The following PDSS2 variants were observed in gnomAD, a reference collection of about 807,000 sequenced individuals.
PDSS2 encodes the protein all trans-polyprenyl-diphosphate synthase PDSS2.
A neutral mutation model predicts 44.5 loss-of-function variants in PDSS2; 31 were observed. That is an observed-to-expected ratio of 0.70 (90% CI 0.52 to 0.94). The LOEUF (loss-of-function observed/expected upper bound fraction) is 0.94, where lower values mean the gene tolerates loss of function less well. Among genes scored for constraint, PDSS2 ranks in the 40% least tolerant of loss-of-function variants. The pLI, the probability that PDSS2 is intolerant of heterozygous loss-of-function variation, is 0.00. For missense variants in PDSS2, 452 were observed against 482.2 expected, an observed-to-expected ratio of 0.94 and a Z score of 0.59; for synonymous variants, 157 against 180.3, an observed-to-expected ratio of 0.87 and a Z score of 1.03.
At chr6:107,169,226 T>C (rs1771472142) in intron 7 of PDSS2, among the ~76,000 whole-genome samples, 1 of 152,174 alleles carries the variant, frequency 6.6e-6, no homozygotes. Context: ...TTTCATTCAT[T>C]TGATCTTCAA....
At chr6:107,333,684 T>A (rs1281887809) in intron 2 of PDSS2, among the ~76,000 whole-genome samples, 1 of 152,118 alleles carries the variant, frequency 6.6e-6, no homozygotes, top group East Asian at 1.9e-4. Flanking sequence ...TACAGGCACA[T>A]ACCACCACAA....
chr6:107,427,995 T>G (rs1781058762), intron 1 of PDSS2, among the ~76,000 whole-genome samples: 1 of 152,242 alleles, frequency 6.6e-6, no homozygotes, highest in Non-Finnish European at 1.5e-5. Context: ...TTACAGAGGT[T>G]GTGCACCAGC....
chr6:107,420,335 C>T (rs223099), intron 1 of PDSS2, among the ~76,000 whole-genome samples: 57,687 of 151,914 alleles, frequency 0.38, 13,345 homozygotes, highest in Middle Eastern at 0.64. Flanking sequence ...CCTTTTGCTG[C>T]GACTACCACA....
intron 2 of PDSS2, among the ~76,000 whole-genome samples, chr6:107,307,017 T>C (rs1216184375): frequency 6.6e-6 from 1 of 152,236 alleles, no homozygotes; most frequent in Non-Finnish European, 1.5e-5. Flanking sequence ...TATCTTTCTC[T>C]TTTCCTGTGT....
chr6:107,252,987 C>A (rs770095776), intron 3 of PDSS2, among the ~76,000 whole-genome samples: 9 of 152,190 alleles, frequency 5.9e-5, no homozygotes, highest in Admixed American at 1.3e-4. Context: ...CCAAAAAGAT[C>A]TAAATCAAAA....
intron 1 of PDSS2, among the ~76,000 whole-genome samples, chr6:107,340,874 T>C (rs1351372218): frequency 1.3e-5 from 2 of 152,180 alleles, no homozygotes; most frequent in Admixed American, 1.3e-4. Context: ...GGCTACCCAT[T>C]TGGGCAATGT....
At chr6:107,184,542 G>C (rs1772097889) in intron 7 of PDSS2, among the ~76,000 whole-genome samples, 1 of 152,224 alleles carries the variant, frequency 6.6e-6, no homozygotes, top group Non-Finnish European at 1.5e-5. Flanking sequence ...GCAAATGTCT[G>C]TGGACATTAC....
At chr6:107,412,697 G>A (rs1193929813) in intron 1 of PDSS2, among the ~76,000 whole-genome samples, 2 of 152,082 alleles carry the variant, frequency 1.3e-5, no homozygotes, top group Non-Finnish European at 2.9e-5. Context: ...ATTTTTAAAG[G>A]CAAATTTACC....
intron 1 of PDSS2, among the ~76,000 whole-genome samples, chr6:107,410,449 G>A (rs578254244): frequency 6.6e-6 from 1 of 150,876 alleles, no homozygotes; most frequent in African/African-American, 2.4e-5. Context: ...AGGATAGCAT[G>A]TTATATGTAC....
At chr6:107,248,972 A>T (rs1049013113) in intron 3 of PDSS2, among the ~76,000 whole-genome samples, 1 of 152,352 alleles carries the variant, frequency 6.6e-6, no homozygotes, top group Admixed American at 6.5e-5. Context: ...TATGACTGGT[A>T]GAGCACCCCA....
intron 2 of PDSS2, among the ~76,000 whole-genome samples, chr6:107,286,851 C>T (rs1776170133): frequency 6.6e-6 from 1 of 151,920 alleles, no homozygotes; most frequent in Admixed American, 6.6e-5. Flanking sequence ...CCATCCTGGC[C>T]AACATGGTGA....
intron 1 of PDSS2, among the ~76,000 whole-genome samples, chr6:107,400,752 G>C (rs1031737868): frequency 3.9e-5 from 6 of 152,114 alleles, no homozygotes; most frequent in Non-Finnish European, 2.9e-5. Flanking sequence ...CTTGAAAACA[G>C]CCTTCTGACC....
chr6:107,332,390 G>A lies in PDSS2; in HGVS notation c.431+1808C>T, dbSNP rs563123574. Among the ~76,000 whole-genome samples the A allele has an allele frequency of 1.8e-4, 28 of 152,252 alleles. 1 individual carries two copies. The South Asian group carries it at 5.8e-3, about 32-fold the overall frequency. On this transcript the variant is annotated intron_variant, in intron 2 of 7. Transcript: ENST00000369037. ...CAAAGTGCTGGGATTATGGGCATCA[G>A]CCATCACACCTGGCCTGTAAGGTAA...
intron 3 of PDSS2, among the ~76,000 whole-genome samples, chr6:107,270,675 C>T (rs964707889): frequency 2.0e-5 from 3 of 152,148 alleles, no homozygotes; most frequent in Admixed American, 1.3e-4. Context: ...TTTACCACAA[C>T]ACTGTGCTTC....
At chr6:107,329,365 G>A (rs566414635) in intron 2 of PDSS2, among the ~76,000 whole-genome samples, 64 of 152,184 alleles carry the variant, frequency 4.2e-4, no homozygotes, top group African/African-American at 1.5e-3. Context: ...CCAGGATATC[G>A]CCCTAATTCC....
chr6:107,310,829 G>C (rs1400841565), intron 2 of PDSS2, among the ~76,000 whole-genome samples: 2 of 152,114 alleles, frequency 1.3e-5, no homozygotes, highest in East Asian at 1.9e-4. Context: ...AACCTTCAGA[G>C]GGGAAGGAGA....
intron 1 of PDSS2, among the ~76,000 whole-genome samples, chr6:107,399,063 T>C (rs1780030850): frequency 6.6e-6 from 1 of 152,198 alleles, no homozygotes; most frequent in Admixed American, 6.5e-5. Flanking sequence ...CTAGCACATA[T>C]ACCACCTGCC....
At chr6:107,299,505 A>C (rs1343426664) in intron 2 of PDSS2, among the ~76,000 whole-genome samples, 2 of 152,184 alleles carry the variant, frequency 1.3e-5, no homozygotes, top group East Asian at 3.9e-4. Context: ...AACCATGAGG[A>C]AAGTAACTAG....
chr6:107,405,144 A>G (rs78486545), intron 1 of PDSS2, among the ~76,000 whole-genome samples: 3 of 126,858 alleles, frequency 2.4e-5, no homozygotes, highest in African/African-American at 8.1e-5. Flanking sequence ...ATGCTTAAAG[A>G]AAAAAAAAAA....
Sources: gnomAD v4.1 joint callset for allele counts (sites outside exome capture counted in the v4.1 genomes callset) on GRCh38, gnomAD v4.1.1 for gene constraint, MANE v1.5 for transcripts, NCBI Gene and HGNC (gene_info 2026-07-23, HGNC 2026-07-21) for gene names.